Variants in ANKRD13B observed in about 807,000 individuals in gnomAD.
ANKRD13B encodes ankyrin repeat domain 13B.
Under a neutral mutation model 74.4 loss-of-function variants are expected in ANKRD13B, and 33 were observed. The observed-to-expected ratio is 0.44, with a 90% CI of 0.34 to 0.59. The LOEUF (loss-of-function observed/expected upper bound fraction) is 0.59. Ranked by LOEUF, ANKRD13B falls within the 20% of genes least tolerant of loss-of-function variation. The pLI, the probability that ANKRD13B is intolerant of heterozygous loss-of-function variation, is 0.02. For synonymous variants in ANKRD13B, 341 were observed against 362.9 expected (o/e 0.94, Z 0.68); for missense variants, 676 against 877.9 (o/e 0.77, Z 2.91).
chr17:29,595,005 C>T (rs959520423), intron 1 of ANKRD13B, among the ~76,000 whole-genome samples: 1 of 152,206 alleles, frequency 6.6e-6, no homozygotes, highest in Non-Finnish European at 1.5e-5. Flanking sequence ...GACCTGTGCC[C>T]GCAGGCCTCT....
At position 29,613,656 on chromosome 17, in the gene ANKRD13B, G is replaced by T; in HGVS notation, c.*74G>T. ...CCAGGAGCCAGACAAACCCCGGCCT[G>T]CGCGCCTGCAGAGCGGCGGCTGGAG... is the stretch of plus-strand genomic sequence containing the variant. On this transcript the variant is annotated 3_prime_UTR_variant, in exon 15 of 15. Transcript: ENST00000394859. 7.3e-7 allele frequency: 1 copy of T among 1,373,964 alleles called. No individual in the cohort carries two copies. Among genetic ancestry groups the T allele is most frequent in the Non-Finnish European group, 9.4e-7 (1 of 1,068,156 alleles). 85.1% of individuals were successfully genotyped at this position (1,373,964 alleles called of 1,614,324 possible).
At chr17:29,610,308 C>G (rs1271992637) in intron 7 of ANKRD13B, among the ~76,000 whole-genome samples, 1 of 152,012 alleles carries the variant, frequency 6.6e-6, no homozygotes, top group East Asian at 1.9e-4. Flanking sequence ...CCTCTGAAAG[C>G]CTCCCCTGCT....
intron 1 of ANKRD13B, among the ~76,000 whole-genome samples, chr17:29,599,857 T>C (rs1431370395): frequency 1.4e-5 from 2 of 145,364 alleles, no homozygotes; most frequent in Non-Finnish European, 3.0e-5. Context: ...GTTCTTAGCA[T>C]CTAATTTGTT....
At chr17:29,603,788 A>G (rs1020395583) in intron 1 of ANKRD13B, among the ~76,000 whole-genome samples, 2 of 151,356 alleles carry the variant, frequency 1.3e-5, no homozygotes, top group Non-Finnish European at 1.5e-5. Context: ...TAAACTCTTG[A>G]GTATATTGAG....
In ANKRD13B at chr17:29,612,009, G is replaced by A; in HGVS notation, c.1100+3G>A. The A allele has an allele frequency of 1.2e-6, 2 of 1,611,196 alleles. No individual in the cohort carries two copies. The highest frequency in any genetic ancestry group is 1.7e-6 in the Non-Finnish European group (2 of 1,178,652). ...GAACTGACCACCAAGACACAGAAGTGAGGCCCCTGCCGGTGCTGGGAAGGT... is the reference window on the plus strand; with the variant it reads ...GAACTGACCACCAAGACACAGAAGTAAGGCCCCTGCCGGTGCTGGGAAGGT... On this transcript the variant is annotated splice_donor_region_variant and intron_variant, in intron 10 of 14. Transcript: ENST00000394859. This position sits in a 1 kb window ranked among gnomAD's most constrained non-coding sequence, Gnocchi z 6.1.
intron 1 of ANKRD13B, among the ~76,000 whole-genome samples, chr17:29,598,650 G>A (rs1451071282): frequency 6.6e-6 from 1 of 152,102 alleles, no homozygotes; most frequent in Non-Finnish European, 1.5e-5. Context: ...CCAGGCTCAG[G>A]TGATCCTCCC....
At chr17:29,604,767 T>C (rs2034308889) in intron 1 of ANKRD13B, among the ~76,000 whole-genome samples, 1 of 152,090 alleles carries the variant, frequency 6.6e-6, no homozygotes, top group South Asian at 2.1e-4. Flanking sequence ...GGTCTTGAAC[T>C]CCTGACCTCA....
chr17:29,594,407 T>TGA (rs2033880293), intron 1 of ANKRD13B, among the ~76,000 whole-genome samples: 1 of 152,250 alleles, frequency 6.6e-6, no homozygotes, highest in Admixed American at 6.5e-5. Context: ...TGGAAGGACT[T>TGA]GAGGTTCTGC....
chr17:29,612,053 G>A lies in ANKRD13B; in HGVS notation c.1100+47G>A, dbSNP rs1311042580. On this transcript the variant is annotated intron_variant, in intron 10 of 14. Transcript: ENST00000394859. The surrounding 1 kb of genome is among the most constrained non-coding windows in gnomAD (Gnocchi z 6.1). ...GGAAGGTGGGGGGCCGGGGCTCCAGGAGATGCTGGGAGGCCATGGCTTCCT... is the reference window on the plus strand; with the variant it reads ...GGAAGGTGGGGGGCCGGGGCTCCAGAAGATGCTGGGAGGCCATGGCTTCCT... 3 of 1,608,676 alleles carry A rather than the reference G, an allele frequency of 1.9e-6. No individual in the cohort carries two copies. Among genetic ancestry groups the A allele is most frequent in the Non-Finnish European group, 2.5e-6 (3 of 1,176,486 alleles).
intron 1 of ANKRD13B, among the ~76,000 whole-genome samples, chr17:29,595,274 G>A (rs1266508372): frequency 6.6e-6 from 1 of 152,250 alleles, no homozygotes; most frequent in Non-Finnish European, 1.5e-5. Flanking sequence ...AGGGTGATGT[G>A]CAAAGCGCTA....
At chr17:29,602,400 A>AC (rs1350713965) in intron 1 of ANKRD13B, among the ~76,000 whole-genome samples, 1 of 151,872 alleles carries the variant, frequency 6.6e-6, no homozygotes, top group Non-Finnish European at 1.5e-5. Context: ...ATCTCAAAAA[A>AC]AAAAAAAAAA....
rs146596993 is a variant in ANKRD13B at position 29,595,519 on chromosome 17, T to C, written c.114+1784T>C. Among the ~76,000 whole-genome samples the C allele has an allele frequency of 8.9e-3, 1,352 of 152,200 alleles. 21 individuals are homozygous for C. The highest frequency in any genetic ancestry group is 0.031 in the African/African-American group (1,294 of 41,512). On this transcript the variant is annotated intron_variant, in intron 1 of 14. Coordinates refer to ENST00000394859, the MANE Select transcript of ANKRD13B (RefSeq NM_152345.5). ...AGAAAAGACTTCTCCAGCAGGCCTC[T>C]CTGCTGATAATCCTGAAGTGGGTGG...
chr17:29,602,161 C>T lies in ANKRD13B; in HGVS notation c.115-5581C>T, dbSNP rs991077998. On this transcript the variant is annotated intron_variant, in intron 1 of 14. Coordinates refer to ENST00000394859, the MANE Select transcript of ANKRD13B (RefSeq NM_152345.5). The stretch of plus-strand genomic sequence containing the variant: ...CTGTAATCCCAGCATTTTGGGAGGC[C>T]GAGGCGGGCGGATCACGAGGTCAGG... Among the ~76,000 whole-genome samples, 10 of 151,902 alleles carry T rather than the reference C, an allele frequency of 6.6e-5. No individual in the cohort carries two copies. In the East Asian group the frequency reaches 1.2e-3, roughly 18 times the overall value.
chr17:29,600,608 A>C (rs1172240870), intron 1 of ANKRD13B, among the ~76,000 whole-genome samples: 2 of 152,148 alleles, frequency 1.3e-5, no homozygotes. Flanking sequence ...CTCCCAGCTT[A>C]ATGAGGCTGG....
chr17:29,611,693 A>C lies in ANKRD13B; in HGVS notation c.969+50A>C. 6.2e-7 allele frequency: 1 copy of C among 1,604,416 alleles called. No homozygotes were observed. Among genetic ancestry groups the C allele is most frequent in the Non-Finnish European group, 8.5e-7 (1 of 1,171,360 alleles). The stretch of plus-strand genomic sequence containing the variant: ...AAGTGGAGGGATGTGGATGTGGCTC[A>C]GGAGGAGGCTTGGGAAGCGTCCTGC... On this transcript the variant is annotated intron_variant, in intron 9 of 14. Coordinates refer to ENST00000394859, the MANE Select transcript of ANKRD13B (RefSeq NM_152345.5). This position sits in a 1 kb window ranked among gnomAD's most constrained non-coding sequence, Gnocchi z 4.3.
Position 29,593,560 on chromosome 17 carries a change from C to G in ANKRD13B, c.-62C>G, listed in dbSNP as rs890455868. 3 of 839,162 alleles carry G rather than the reference C, an allele frequency of 3.6e-6. No homozygotes were observed. Among genetic ancestry groups the G allele is most frequent in the Non-Finnish European group, 3.0e-6 (2 of 677,630 alleles). 52.0% of individuals were successfully genotyped at this position (839,162 alleles called of 1,614,324 possible). ...CCCCCCGCCCCGCGGCCCCGGGCCCCGGCTCCGGCGCCGTCCCTCCTCCCC... is the reference window on the plus strand; with the variant it reads ...CCCCCCGCCCCGCGGCCCCGGGCCCGGGCTCCGGCGCCGTCCCTCCTCCCC... On this transcript the variant is annotated 5_prime_UTR_variant, in exon 1 of 15. Transcript: ENST00000394859.
At chr17:29,593,896 T>TGGGAG (rs749329666) in intron 1 of ANKRD13B, 161 bp downstream of exon 1, 104 of 203,698 alleles carry the variant, frequency 5.1e-4, no homozygotes, top group South Asian at 7.9e-4. Context: ...GAAAGGGTGA[T>TGGGAG]CCCCTCCGGC....
Position 29,608,382 on chromosome 17 carries a change from G to A in ANKRD13B, c.421+142G>A. 2 of 1,062,408 alleles carry A rather than the reference G, an allele frequency of 1.9e-6. No individual in the cohort carries two copies. Among genetic ancestry groups the A allele is most frequent in the South Asian group, 3.1e-5 (2 of 65,056 alleles). The allele number at this position is 1,062,408 out of a possible 1,614,324, so 65.8% of individuals were successfully genotyped here. ...AGCTCAGGGCCACCGCCTCAGCTAG[G>A]CCTTTCCAGATTGCCCCAGATACTG... On this transcript the variant is annotated intron_variant, in intron 4 of 14. Coordinates refer to ENST00000394859, the MANE Select transcript of ANKRD13B (RefSeq NM_152345.5). The surrounding 1 kb of genome is among the most constrained non-coding windows in gnomAD (Gnocchi z 6.4).
In ANKRD13B at chr17:29,614,282, C is replaced by T. The variant is rs1005251989; in HGVS notation, c.*700C>T. On this transcript the variant is annotated 3_prime_UTR_variant, in exon 15 of 15. Transcript: ENST00000394859. ...GATCAGGGAGTGTGTCCAACGTAGCCCCCTGGCCTGTGCAAGCCCTGACTC... is the reference window on the plus strand; with the variant it reads ...GATCAGGGAGTGTGTCCAACGTAGCTCCCTGGCCTGTGCAAGCCCTGACTC... 1 of 151,814 alleles carries T rather than the reference C, an allele frequency of 6.6e-6. No individual in the cohort carries two copies. The highest frequency in any genetic ancestry group is 1.5e-5 in the Non-Finnish European group (1 of 68,030). 9.4% of individuals were successfully genotyped at this position (151,814 alleles called of 1,614,324 possible).
Sources: gnomAD v4.1 joint callset for allele counts (sites outside exome capture counted in the v4.1 genomes callset) on GRCh38, gnomAD v4.1.1 for gene constraint, Gnocchi (gnomAD v3.1) non-coding constraint, MANE v1.5 for transcripts, NCBI Gene and HGNC (gene_info 2026-07-23, HGNC 2026-07-21) for gene names.